The following ATCAY variants were observed in gnomAD, a reference collection of about 807,000 sequenced individuals.
The protein encoded by ATCAY is caytaxin.
In ATCAY, 22 loss-of-function variants were observed where a neutral mutation model predicts 47.7. The observed-to-expected ratio is 0.46, with a 90% CI of 0.33 to 0.66. The LOEUF (loss-of-function observed/expected upper bound fraction) is 0.66, where lower values mean the gene tolerates loss of function less well. Ranked by LOEUF, ATCAY falls within the 30% of genes least tolerant of loss-of-function variation. The pLI is 0.02. For missense variants in ATCAY, 452 were observed against 515.0 expected (o/e 0.88, Z 1.18); for synonymous variants, 216 against 207.6 (o/e 1.04, Z -0.35).
chr19:3,914,054 G>C (rs1213436030), intron 9 of ATCAY, among the ~76,000 whole-genome samples, 198 bp downstream of exon 9: 3 of 151,632 alleles, frequency 2.0e-5, no homozygotes, highest in Non-Finnish European at 4.4e-5. Flanking sequence ...GGCTAACATG[G>C]TGAAACCCCG....
rs1389732236 is a variant in ATCAY, at chr19:3,902,634, G to A, written c.136+89G>A. Reference sequence around the variant, plus strand: ...TGGGGCTGTAACTGTAGAAATGTCAGAGGCCACACACCGTGGGTAGAATGT... The same window carrying A: ...TGGGGCTGTAACTGTAGAAATGTCAAAGGCCACACACCGTGGGTAGAATGT... On this transcript the variant is annotated intron_variant, in intron 3 of 12. Transcript: ENST00000450849. 3.6e-6 allele frequency: 5 copies of A among 1,381,576 alleles called. No individual in the cohort carries two copies. The African/African-American group carries it at 5.7e-5, about 16-fold the overall frequency. The allele number at this position is 1,381,576 out of a possible 1,614,324, so 85.6% of individuals were successfully genotyped here.
intron 2 of ATCAY, among the ~76,000 whole-genome samples, chr19:3,889,165 G>C (rs2038691196): frequency 6.6e-6 from 1 of 152,170 alleles, no homozygotes; most frequent in African/African-American, 2.4e-5. Flanking sequence ...TATAATCCTA[G>C]CACTTTGGGA....
intron 2 of ATCAY, among the ~76,000 whole-genome samples, chr19:3,889,677 G>T (rs562526774): frequency 6.6e-6 from 1 of 152,166 alleles, no homozygotes; most frequent in East Asian, 1.9e-4. Context: ...GGAATCGGAC[G>T]CCCATGGTTC....
chr19:3,912,804 GAGCCCAGGA>G (rs1336971269), intron 8 of ATCAY, among the ~76,000 whole-genome samples: 2 of 151,836 alleles, frequency 1.3e-5, no homozygotes, highest in African/African-American at 4.8e-5. Context: ...AGGATCACTT[GAGCCCAGGA>G]GGTCGAGGCT....
At chr19:3,923,560 AAATG>A (rs2039038577) in intron 12 of ATCAY, among the ~76,000 whole-genome samples, 1 of 148,952 alleles carries the variant, frequency 6.7e-6, no homozygotes. Context: ...ATGGATGGAT[AAATG>A]GATGGATGGA....
In ATCAY at chr19:3,885,804, G is replaced by A. The variant is rs745720974; in HGVS notation, c.37G>A (p.Val13Met). ...CGAAGCCACGCTCCGGATGGAAAAC[G>A]TGGACGTGAAGGAGGAATGGCAGGA... ...TTEATLRMEN[V>M]DVKEEWQDED... The change falls in exon 2 of 13, where the codon GTG (valine) becomes ATG (methionine). Residue 13 changes from valine (V) to methionine (M), a missense_variant. Coordinates refer to ENST00000450849, the MANE Select transcript of ATCAY (RefSeq NM_033064.5). 8.4e-6 allele frequency: 13 copies of A among 1,552,228 alleles called. No individual in the cohort carries two copies. The Admixed American group carries it at 1.2e-4, about 14-fold the overall frequency.
chr19:3,891,358 A>C (rs1241610281), intron 2 of ATCAY, among the ~76,000 whole-genome samples: 1 of 151,860 alleles, frequency 6.6e-6, no homozygotes. Context: ...GCCTCCTTCT[A>C]GCATTTTCCT....
intron 4 of ATCAY, 146 bp downstream of exon 4, chr19:3,905,801 C>T (rs1324991194): frequency 2.6e-5 from 17 of 665,592 alleles, no homozygotes; most frequent in Non-Finnish European, 3.8e-5. Flanking sequence ...ATCAAGACTG[C>T]AGTGAGACGT....
At chr19:3,919,192 C>T (rs988145520) in intron 11 of ATCAY, among the ~76,000 whole-genome samples, 1 of 151,720 alleles carries the variant, frequency 6.6e-6, no homozygotes, top group African/African-American at 2.4e-5. Context: ...GCAGGAGATT[C>T]GCTTGAACCC....
intron 2 of ATCAY, among the ~76,000 whole-genome samples, chr19:3,892,917 A>T (rs1215570602): frequency 1.3e-5 from 2 of 152,084 alleles, no homozygotes; most frequent in African/African-American, 4.8e-5. Flanking sequence ...CCAAAAAAAA[A>T]AATTTACCCT....
At chr19:3,902,326 A>G (rs1202610783) in intron 2 of ATCAY, among the ~76,000 whole-genome samples, 161 bp from the exon 3 acceptor site, 1 of 152,186 alleles carries the variant, frequency 6.6e-6, no homozygotes, top group Non-Finnish European at 1.5e-5. Flanking sequence ...TGTCTCCAAA[A>G]AAATGTATAT....
chr19:3,881,594 AGCCAGGATCTGAGT>A (rs1425328029), intron 1 of ATCAY, among the ~76,000 whole-genome samples: 1 of 151,594 alleles, frequency 6.6e-6, no homozygotes, highest in East Asian at 2.0e-4. Context: ...CCAAATGCGA[AGCCAGGATCTGAGT>A]GCAGGAGTGT....
At chr19:3,882,129 AG>A (rs1282727444) in intron 1 of ATCAY, among the ~76,000 whole-genome samples, 1 of 152,032 alleles carries the variant, frequency 6.6e-6, no homozygotes, top group Admixed American at 6.6e-5. Flanking sequence ...GGGGGGCTGC[AG>A]GTAACCTACT....
chr19:3,914,193 G>A (rs919641671), intron 9 of ATCAY, among the ~76,000 whole-genome samples: 6 of 125,650 alleles, frequency 4.8e-5, no homozygotes, highest in South Asian at 2.6e-4. Flanking sequence ...CTGAGATCGC[G>A]CCACTGCACT....
rs553996170 is a variant in ATCAY at position 3,905,790 on chromosome 19, G to C, written c.358+135G>C. Reference sequence around the variant, plus strand: ...AAGCAGTCTAGCCTTAAACCCAGGAGATCAAGACTGCAGTGAGACGTGATC... The same window carrying C: ...AAGCAGTCTAGCCTTAAACCCAGGACATCAAGACTGCAGTGAGACGTGATC... On this transcript the variant is annotated intron_variant, in intron 4 of 12. Transcript: ENST00000450849. 5 of 715,316 alleles carry C rather than the reference G, an allele frequency of 7.0e-6. No individual in the cohort carries two copies. The African/African-American group carries it at 8.9e-5, about 13-fold the overall frequency. The allele number at this position is 715,316 out of a possible 1,614,324, so 44.3% of individuals were successfully genotyped here. A position where few individuals can be genotyped will look rare whatever the true frequency, so the allele number is the denominator to read the frequency against.
chr19:3,915,481 G>A (rs758779762), intron 9 of ATCAY, among the ~76,000 whole-genome samples: 50 of 151,410 alleles, frequency 3.3e-4, no homozygotes, highest in Non-Finnish European at 5.7e-4. Flanking sequence ...CACTGCGCCC[G>A]GCCTATCTTA....
intron 8 of ATCAY, among the ~76,000 whole-genome samples, chr19:3,912,094 A>G (rs1011922411): frequency 1.3e-5 from 2 of 152,118 alleles, no homozygotes; most frequent in Non-Finnish European, 2.9e-5. Context: ...TTTAATGTAG[A>G]TATTAGGATG....
chr19:3,920,680 T>G, intron 11 of ATCAY, 86 bp from the exon 12 acceptor site: 1 of 1,185,644 alleles, frequency 8.4e-7, no homozygotes, highest in Non-Finnish European at 1.1e-6. Flanking sequence ...TAAATAAAAA[T>G]AAAATAAGTT....
intron 3 of ATCAY, 68 bp from the exon 4 acceptor site, chr19:3,905,366 T>C: frequency 6.9e-7 from 1 of 1,442,754 alleles, no homozygotes; most frequent in Middle Eastern, 2.0e-4. Context: ...TTCCACCAGG[T>C]AGGAAAATGG....
Sources: gnomAD v4.1 joint callset for allele counts (sites outside exome capture counted in the v4.1 genomes callset) on GRCh38, gnomAD v4.1.1 for gene constraint, MANE v1.5 for transcripts, NCBI Gene and HGNC (gene_info 2026-07-23, HGNC 2026-07-21) for gene names.